The following LRRD1 variants were observed in gnomAD, a reference collection of about 807,000 sequenced individuals.
The protein encoded by LRRD1 is leucine rich repeats and death domain containing 1.
LRRD1 carries 49 observed loss-of-function variants against 69.5 expected under a neutral mutation model. The observed-to-expected ratio is 0.70, with a 90% CI of 0.56 to 0.89. The LOEUF (loss-of-function observed/expected upper bound fraction) is 0.89, where lower values mean the gene tolerates loss of function less well. LRRD1 is among the 40% of genes least tolerant of loss of function. The pLI, the probability that LRRD1 is intolerant of heterozygous loss-of-function variation, is 0.00. For synonymous variants in LRRD1, 303 were observed against 338.9 expected (o/e 0.89, Z 1.16); for missense variants, 853 against 956.0 (o/e 0.89, Z 1.42).
chr7:92,154,704 A>G (rs1020549311), intron 3 of LRRD1, among the ~76,000 whole-genome samples: 3 of 151,644 alleles, frequency 2.0e-5, no homozygotes, highest in African/African-American at 7.3e-5. Context: ...GTGGTTATTT[A>G]TTTGTTTTTG....
intron 4 of LRRD1, among the ~76,000 whole-genome samples, chr7:92,147,273 G>A (rs12540868): frequency 0.4 from 60,523 of 151,682 alleles, 12,354 homozygotes; most frequent in African/African-American, 0.46. Context: ...TCTCCATGTT[G>A]GTCAGGCTGG....
At position 92,164,639 on chromosome 7, in the gene LRRD1, TA is replaced by T. The variant is rs772372112; in HGVS notation, c.563del (p.Leu188Ter). 1.3e-6 allele frequency: 2 copies of T among 1,551,734 alleles called. No individual in the cohort carries two copies. Among genetic ancestry groups the T allele is most frequent in the African/African-American group, 2.7e-5 (2 of 73,052 alleles). On this transcript the variant is annotated frameshift_variant, in exon 2 of 6. Coordinates refer to ENST00000458448, the MANE Select transcript of LRRD1 (RefSeq NM_001161528.2). LOFTEE classifies it high-confidence loss of function. Reference protein sequence around the residue: ...TFQGADSGDLLGLEILSLQEN... With the variant: ...TFQGADSGDLXGLEILSLQEN... ...CTTGCAGGGATAGAATTTCAAGTCCTAACAGATCACCTGAGTCTGCCCCTTG... is the reference window on the plus strand; with the variant it reads ...CTTGCAGGGATAGAATTTCAAGTCCTACAGATCACCTGAGTCTGCCCCTTG...
At position 92,150,589 on chromosome 7, in the gene LRRD1, T is replaced by C; in HGVS notation, c.2223A>G (p.Lys741=). Residue 741 remains lysine (K), a synonymous_variant, in exon 4 of 6, where the codon AAA becomes AAG. Coordinates refer to ENST00000458448, the MANE Select transcript of LRRD1 (RefSeq NM_001161528.2). ...PLLRPPVEIC[K]GKQLYTIARY... The stretch of plus-strand genomic sequence containing the variant: ...GTGCAATAGTATACAACTGTTTTCC[T>C]TTACAGATTTCCACTGGAGGTCTCA... The C allele has an allele frequency of 6.4e-7, 1 of 1,551,662 alleles. No individual in the cohort carries two copies. Among genetic ancestry groups the C allele is most frequent in the Non-Finnish European group, 8.7e-7 (1 of 1,146,946 alleles).
chr7:92,163,407 CA>C lies in LRRD1; in HGVS notation c.1795del (p.Cys599ValfsTer3). 1 of 1,548,160 alleles carries C rather than the reference CA, an allele frequency of 6.5e-7. No homozygotes were observed. The highest frequency in any genetic ancestry group is 2.4e-5 in the East Asian group (1 of 40,872). Reference sequence around the variant, plus strand: ...TAATTTCTGGATTCCTTTTAAATTACAGATGTCTGAAGAGATTTTCTGTAAT... The same window carrying C: ...TAATTTCTGGATTCCTTTTAAATTACGATGTCTGAAGAGATTTTCTGTAAT... ...NQLQKISSDI[C>X]NLKGIQKLNF... is the part of the protein sequence containing the mutation. On this transcript the variant is annotated frameshift_variant, in exon 2 of 6. Transcript: ENST00000458448. LOFTEE classifies it high-confidence loss of function.
chr7:92,165,853 C>T (rs1413305020), intron 1 of LRRD1, among the ~76,000 whole-genome samples: 2 of 131,978 alleles, frequency 1.5e-5, no homozygotes, highest in African/African-American at 2.9e-5. Flanking sequence ...AAGAGTGAAA[C>T]TCCATCTCAA....
chr7:92,143,958 G>A (rs563388742), downstream of LRRD1, among the ~76,000 whole-genome samples: 12 of 152,356 alleles, frequency 7.9e-5, no homozygotes, highest in African/African-American at 2.9e-4. Context: ...GTTAGTGCTG[G>A]AGTAGGGGAA....
intron 4 of LRRD1, among the ~76,000 whole-genome samples, chr7:92,150,307 A>G (rs904132967): frequency 5.9e-5 from 9 of 151,932 alleles, no homozygotes; most frequent in Admixed American, 4.6e-4. Flanking sequence ...CTACTAAAAG[A>G]TTAAAAAATT....
chr7:92,150,608 G>A lies in LRRD1; in HGVS notation c.2204C>T (p.Pro735Leu). Residue 735 changes from proline to leucine, a missense_variant, in exon 4 of 6, where the codon CCT becomes CTT. Pro to Leu is a moderately conservative substitution (Grantham distance 98, BLOSUM62 -3). Coordinates refer to ENST00000458448, the MANE Select transcript of LRRD1 (RefSeq NM_001161528.2). ...INFDDNPLLR[P>L]PVEICKGKQL... ...TTTTCCTTTACAGATTTCCACTGGA[G>A]GTCTCAGCAAAGGGTTGTCATCAAA... 6.4e-7 allele frequency: 1 copy of A among 1,551,470 alleles called. No individual in the cohort carries two copies. The highest frequency in any genetic ancestry group is 8.7e-7 in the Non-Finnish European group (1 of 1,146,790).
In LRRD1 at chr7:92,144,902, C is replaced by T. The variant is rs1820278059; in HGVS notation, c.2569G>A (p.Ala857Thr). ...KITALNLFTR[A>T]IKF ...TGATCCACTGGTTAGAATTTAATTG[C>T]ACGCGTAAAAAGATTTAAAGCTGTT... is the stretch of plus-strand genomic sequence containing the variant. The change falls in exon 6 of 6, where the codon GCA (alanine) becomes ACA (threonine). Residue 857 changes from alanine (A) to threonine (T), a missense_variant. By Grantham distance (58) the Ala-to-Thr change is moderately conservative. Coordinates refer to ENST00000458448, the MANE Select transcript of LRRD1 (RefSeq NM_001161528.2). 1 of 1,490,196 alleles carries T rather than the reference C, an allele frequency of 6.7e-7. No individual in the cohort carries two copies. The highest frequency in any genetic ancestry group is 1.4e-5 in the South Asian group (1 of 72,144). The allele number at this position is 1,490,196 out of a possible 1,614,324, so 92.3% of individuals were successfully genotyped here. A position where few individuals can be genotyped will look rare whatever the true frequency, so the allele number is the denominator to read the frequency against.
At position 92,163,434 on chromosome 7, in the gene LRRD1, T is replaced by A; in HGVS notation, c.1769A>T (p.Gln590Leu). 1 of 1,546,398 alleles carries A rather than the reference T, an allele frequency of 6.5e-7. No homozygotes were observed. The highest frequency in any genetic ancestry group is 8.7e-7 in the Non-Finnish European group (1 of 1,145,592). ...GATGTCTGAAGAGATTTTCTGTAAT[T>A]GGTTTTCCGAAAGATCAAGTACTTG... ...NLQVLDLSEN[Q>L]LQKISSDICN... The change falls in exon 2 of 6, where the codon CAA becomes CTA. Residue 590 changes from glutamine (Q) to leucine (L), a missense_variant. Physicochemically the swap from Gln to Leu is moderately radical, Grantham distance 113. This residue lies in a region of LRRD1 where 739 missense variants were observed against 808.0 expected (regional missense o/e 0.91). Coordinates refer to ENST00000458448, the MANE Select transcript of LRRD1 (RefSeq NM_001161528.2).
At chr7:92,143,460 A>G (rs1234913814), downstream of LRRD1, among the ~76,000 whole-genome samples, 1 of 152,136 alleles carries the variant, frequency 6.6e-6, no homozygotes, top group Non-Finnish European at 1.5e-5. Flanking sequence ...ACAGGAGCCC[A>G]CGGAAGTGGG....
chr7:92,142,212 G>A (rs1820169243), downstream of LRRD1: 1 of 298,168 alleles, frequency 3.4e-6, no homozygotes, highest in East Asian at 9.1e-5. Flanking sequence ...AAAGTGCTGG[G>A]ATTACAGGCA....
chr7:92,168,536 T>C (rs958006200), intron 1 of LRRD1, among the ~76,000 whole-genome samples: 42 of 152,018 alleles, frequency 2.8e-4, no homozygotes, highest in African/African-American at 9.4e-4. Flanking sequence ...CTTCTCACAC[T>C]ACCAAGATAT....
rs1444328470 is a variant in LRRD1, at chr7:92,164,634, A to G, written c.569T>C (p.Leu190Pro). The G allele has an allele frequency of 2.6e-6, 4 of 1,551,844 alleles. No individual in the cohort carries two copies. Among genetic ancestry groups the G allele is most frequent in the Non-Finnish European group, 3.5e-6 (4 of 1,146,926 alleles). The change falls in exon 2 of 6, where the codon CTT becomes CCT. Residue 190 changes from leucine to proline, a missense_variant. Around this residue, in one of 3 missense-constraint regions of LRRD1, gnomAD observed 739 missense variants for 808.0 expected, o/e 0.91. Coordinates refer to ENST00000458448, the MANE Select transcript of LRRD1 (RefSeq NM_001161528.2). Reference sequence around the variant, plus strand: ...ATTTTCTTGCAGGGATAGAATTTCAAGTCCTAACAGATCACCTGAGTCTGC... The same window carrying G: ...ATTTTCTTGCAGGGATAGAATTTCAGGTCCTAACAGATCACCTGAGTCTGC... The part of the protein sequence containing the change: ...QGADSGDLLG[L>P]EILSLQENGL...
At chr7:92,161,535 G>A (rs182397047) in intron 2 of LRRD1, among the ~76,000 whole-genome samples, 7 of 152,318 alleles carry the variant, frequency 4.6e-5, no homozygotes, top group Admixed American at 3.3e-4. Flanking sequence ...GAGGTTCCTG[G>A]CATAAATCTA....
downstream of LRRD1, among the ~76,000 whole-genome samples, chr7:92,144,005 A>C (rs1378381783): frequency 1.3e-5 from 2 of 152,232 alleles, no homozygotes; most frequent in African/African-American, 4.8e-5. Flanking sequence ...ACATTGAAAT[A>C]TGTGCAATGC....
chr7:92,158,455 G>A (rs1317112936), intron 3 of LRRD1, among the ~76,000 whole-genome samples: 2 of 152,102 alleles, frequency 1.3e-5, no homozygotes, highest in South Asian at 2.1e-4. Context: ...ATGTGTGTAT[G>A]TGTGTATATA....
rs1476546060 is a variant in LRRD1 at position 92,163,789 on chromosome 7, T to C, written c.1414A>G (p.Ser472Gly). Residue 472 changes from serine to glycine, a missense_variant, in exon 2 of 6, where the codon AGT becomes GGT. Ser to Gly is a moderately conservative substitution (Grantham distance 56, BLOSUM62 0). This residue lies in a region of LRRD1 where 739 missense variants were observed against 808.0 expected (regional missense o/e 0.91). Coordinates refer to ENST00000458448, the MANE Select transcript of LRRD1 (RefSeq NM_001161528.2). ...GGAAAATACATTATTTTGTTATAAC[T>C]CAATTCAATTTTAATTATTTTTTGG... Reference protein sequence around the residue: ...NCQKIIKIELSYNKIMYFPLG... With the variant: ...NCQKIIKIELGYNKIMYFPLG... 6.6e-7 allele frequency: 1 copy of C among 1,504,088 alleles called. No homozygotes were observed. The highest frequency in any genetic ancestry group is 8.8e-7 in the Non-Finnish European group (1 of 1,130,420). The allele number at this position is 1,504,088 out of a possible 1,614,324, so 93.2% of individuals were successfully genotyped here.
chr7:92,162,173 A>G (rs1453639571), intron 2 of LRRD1, among the ~76,000 whole-genome samples: 1 of 152,234 alleles, frequency 6.6e-6, no homozygotes, highest in Non-Finnish European at 1.5e-5. Context: ...TCCCTGGAGC[A>G]GTTTTTCTGG....
Sources: gnomAD v4.1 joint callset for allele counts (sites outside exome capture counted in the v4.1 genomes callset) on GRCh38, gnomAD v4.1.1 for gene constraint, gnomAD v4.1.1 regional missense constraint, MANE v1.5 for transcripts, NCBI Gene and HGNC (gene_info 2026-07-23, HGNC 2026-07-21) for gene names.